Variants in CD2AP observed in about 807,000 individuals in gnomAD.
CD2AP encodes the protein CD2-associated protein.
In CD2AP, 46 loss-of-function variants were observed where a neutral mutation model predicts 85.1. The ratio of observed to expected loss-of-function variants is 0.54; its 90% CI spans 0.43 to 0.69. CD2AP has a LOEUF of 0.69. Ranked by LOEUF, CD2AP falls within the 30% of genes least tolerant of loss-of-function variation. The pLI is 0.00. For missense variants in CD2AP, 769 were observed against 729.5 expected (o/e 1.05, Z -0.62); for synonymous variants, 255 against 252.9 (o/e 1.01, Z -0.08).
At chr6:47,571,471 A>G (rs950959914) in intron 5 of CD2AP, among the ~76,000 whole-genome samples, 14 of 152,186 alleles carry the variant, frequency 9.2e-5, no homozygotes, top group Admixed American at 3.3e-4. Context: ...AGGAAAGGGG[A>G]CCTAACCACA....
intron 1 of CD2AP, among the ~76,000 whole-genome samples, chr6:47,490,490 T>A (rs879883878): frequency 2.0e-5 from 3 of 152,202 alleles, no homozygotes; most frequent in Non-Finnish European, 4.4e-5. Context: ...TGAAGAATGA[T>A]AATATTTAAT....
At chr6:47,570,307 G>A (rs1768114217) in intron 5 of CD2AP, among the ~76,000 whole-genome samples, 1 of 152,060 alleles carries the variant, frequency 6.6e-6, no homozygotes, top group Non-Finnish European at 1.5e-5. Context: ...AGGAGGGAGG[G>A]TTTAGGCTCG....
At chr6:47,593,082 T>C (rs1455214565) in intron 11 of CD2AP, among the ~76,000 whole-genome samples, 2 of 152,092 alleles carry the variant, frequency 1.3e-5, no homozygotes, top group African/African-American at 4.8e-5. Context: ...AGTGTCAGAA[T>C]TGAATTAAAT....
intron 11 of CD2AP, among the ~76,000 whole-genome samples, chr6:47,586,126 A>G (rs953120900): frequency 1.3e-5 from 2 of 152,194 alleles, no homozygotes; most frequent in African/African-American, 2.4e-5. Flanking sequence ...GTGGAGATAG[A>G]AGGCAAGTAC....
intron 13 of CD2AP, among the ~76,000 whole-genome samples, chr6:47,602,624 T>C (rs1769169856): frequency 6.6e-6 from 1 of 151,632 alleles, no homozygotes; most frequent in African/African-American, 2.4e-5. Flanking sequence ...CACAGCACTT[T>C]AGGAGGCCAA....
intron 5 of CD2AP, among the ~76,000 whole-genome samples, chr6:47,565,370 G>A (rs1767965185): frequency 6.6e-6 from 1 of 151,996 alleles, no homozygotes; most frequent in South Asian, 2.1e-4. Context: ...TATTTAGAGG[G>A]TCTTTTTGTT....
Position 47,576,551 on chromosome 6 carries a change from A to G in CD2AP, c.757A>G (p.Lys253Glu), listed in dbSNP as rs1034978918. The change falls in exon 7 of 18, where the codon AAA becomes GAA. Residue 253 changes from lysine to glutamate, a missense_variant. Coordinates refer to ENST00000359314, the MANE Select transcript of CD2AP (RefSeq NM_012120.3). ...KPLILQSLGP[K>E]TQSVEITKTD... Reference sequence around the variant, plus strand: ...CTTAATCCTACAGTCACTGGGACCCAAAACTCAGAGTGTGGAGATAACAAA... The same window carrying G: ...CTTAATCCTACAGTCACTGGGACCCGAAACTCAGAGTGTGGAGATAACAAA... 12 of 1,612,504 alleles carry G rather than the reference A, an allele frequency of 7.4e-6. No individual in the cohort carries two copies. Among genetic ancestry groups the G allele is most frequent in the Non-Finnish European group, 9.3e-6 (11 of 1,178,952 alleles).
intron 2 of CD2AP, among the ~76,000 whole-genome samples, chr6:47,511,318 C>G (rs1374850270): frequency 2.0e-5 from 3 of 152,060 alleles, no homozygotes; most frequent in African/African-American, 7.2e-5. Context: ...CTACAAAATA[C>G]CTGACCAGTA....
At chr6:47,599,609 G>A (rs1769063883) in intron 13 of CD2AP, among the ~76,000 whole-genome samples, 166 bp downstream of exon 13, 1 of 152,024 alleles carries the variant, frequency 6.6e-6, no homozygotes, top group South Asian at 2.1e-4. Context: ...AATAATAAAA[G>A]AAGATAAGTA....
intron 1 of CD2AP, among the ~76,000 whole-genome samples, chr6:47,486,238 G>A (rs1255885192): frequency 2.0e-5 from 3 of 152,126 alleles, no homozygotes; most frequent in African/African-American, 7.2e-5. Flanking sequence ...TAAGGATTGG[G>A]CATATTATTA....
At chr6:47,533,793 A>C in intron 3 of CD2AP, 38 bp downstream of exon 3, 1 of 1,597,314 alleles carries the variant, frequency 6.3e-7, no homozygotes, top group Non-Finnish European at 8.6e-7. Context: ...ATTACATCAA[A>C]ATAGAAGGAT....
At chr6:47,531,763 T>TGAAGTATGTTTTATAA (rs1360121570) in intron 2 of CD2AP, among the ~76,000 whole-genome samples, 1 of 152,108 alleles carries the variant, frequency 6.6e-6, no homozygotes, top group Non-Finnish European at 1.5e-5. Flanking sequence ...CTCAAGTATT[T>TGAAGTATGTTTTATAA]GAAGTATGTT....
At chr6:47,543,014 G>C (rs937814855) in intron 3 of CD2AP, among the ~76,000 whole-genome samples, 2 of 151,804 alleles carry the variant, frequency 1.3e-5, no homozygotes, top group African/African-American at 4.8e-5. Flanking sequence ...AGCTGGGCGT[G>C]GTGGCGCTCA....
intron 2 of CD2AP, among the ~76,000 whole-genome samples, chr6:47,526,624 A>G (rs1019303186): frequency 1.3e-5 from 2 of 152,168 alleles, no homozygotes; most frequent in African/African-American, 4.8e-5. Context: ...ACATTGTTTT[A>G]CAGCAAATGA....
intron 5 of CD2AP, among the ~76,000 whole-genome samples, chr6:47,557,169 G>GTT (rs371058774): frequency 0.31 from 45,009 of 144,472 alleles, 7,980 homozygotes; most frequent in Middle Eastern, 0.5. Flanking sequence ...TTTTGATGGA[G>GTT]TTTTTTTTTT....
chr6:47,574,288 T>G, intron 6 of CD2AP, 37 bp downstream of exon 6: 1 of 1,550,498 alleles, frequency 6.4e-7, no homozygotes, highest in South Asian at 1.1e-5. Context: ...ACTCCACTCA[T>G]TCTCTCATTA....
intron 2 of CD2AP, among the ~76,000 whole-genome samples, chr6:47,521,716 A>G (rs1223734093): frequency 1.3e-5 from 2 of 152,148 alleles, no homozygotes; most frequent in South Asian, 2.1e-4. Context: ...TTGCTTCTGA[A>G]GGTTAAGATA....
intron 1 of CD2AP, among the ~76,000 whole-genome samples, chr6:47,501,507 T>C (rs1434839370): frequency 6.6e-6 from 1 of 152,084 alleles, no homozygotes; most frequent in Non-Finnish European, 1.5e-5. Flanking sequence ...AAGTACAGGG[T>C]CTCAAAATAC....
In CD2AP at chr6:47,603,469, C is replaced by T. The variant is rs566623153; in HGVS notation, c.1418-2696C>T. On this transcript the variant is annotated intron_variant, in intron 13 of 17. Coordinates refer to ENST00000359314, the MANE Select transcript of CD2AP (RefSeq NM_012120.3). ...TACTCTGGCCTCTTAAAGCACCAAG[C>T]CATCCTTTTGGAAACTGTCTTGGTG... Among the ~76,000 whole-genome samples the T allele has an allele frequency of 6.6e-5, 10 of 152,052 alleles. No individual in the cohort carries two copies. In the South Asian group the frequency reaches 2.1e-3, roughly 32 times the overall value.
Sources: allele counts gnomAD v4.1 joint callset (sites outside exome capture counted in the v4.1 genomes callset), GRCh38; gene constraint gnomAD v4.1.1; transcripts MANE v1.5; gene names NCBI Gene and HGNC (gene_info 2026-07-23, HGNC 2026-07-21).